MYO16: variants seen among roughly 807,000 people sequenced by gnomAD.
MYO16 encodes unconventional myosin-XVI.
Under a neutral mutation model 205.3 loss-of-function variants are expected in MYO16, and 94 were observed. That is an observed-to-expected ratio of 0.46 (90% CI 0.39 to 0.54). MYO16 has a LOEUF of 0.54. Ranked by LOEUF, MYO16 falls within the 20% of genes least tolerant of loss-of-function variation. The pLI is 0.00. For missense variants in MYO16, 2,315 were observed against 2,387.5 expected (o/e 0.97, Z 0.63); for synonymous variants, 988 against 954.0 (o/e 1.04, Z -0.66).
At chr13:108,608,480 C>T (rs555831997) in intron 1 of MYO16, among the ~76,000 whole-genome samples, 2 of 152,290 alleles carry the variant, frequency 1.3e-5, no homozygotes, top group African/African-American at 4.8e-5. Context: ...CTAAATTACA[C>T]CATTCCTGTT....
intron 34 of MYO16, among the ~76,000 whole-genome samples, chr13:109,191,854 T>C (rs1879930613): frequency 6.6e-6 from 1 of 152,246 alleles, no homozygotes; most frequent in Non-Finnish European, 1.5e-5. Context: ...TTGGAAACTT[T>C]AATCTGTTCA....
intron 32 of MYO16, among the ~76,000 whole-genome samples, chr13:109,151,786 A>C (rs1281048182): frequency 2.6e-5 from 4 of 152,246 alleles, no homozygotes; most frequent in Non-Finnish European, 5.9e-5. Context: ...AGACTTAGGC[A>C]AAGCAATGAG....
chr13:109,140,937 C>G lies in MYO16; in HGVS notation c.4725C>G (p.Pro1575=), dbSNP rs1270998831. The change falls in exon 32 of 35, where the codon CCC becomes CCG. Residue 1575 remains proline, a synonymous_variant. Transcript: ENST00000457511. The surrounding 1 kb of genome is among the most constrained non-coding windows in gnomAD (Gnocchi z 8.0). ...SKSQKGDGDR[P]ASPGLALFNG... is the part of the protein sequence containing the mutation. ...GCCAGAAGGGCGACGGCGACAGGCC[C>G]GCGTCCCCCGGCCTGGCGCTGTTCA... is the stretch of plus-strand genomic sequence containing the variant. 1 of 1,555,064 alleles carries G rather than the reference C, an allele frequency of 6.4e-7. No individual in the cohort carries two copies. The highest frequency in any genetic ancestry group is 8.7e-7 in the Non-Finnish European group (1 of 1,153,552).
At chr13:108,629,098 G>A (rs909370002), upstream of MYO16, 9 of 152,188 alleles carry the variant, frequency 5.9e-5, no homozygotes, top group African/African-American at 1.7e-4. Flanking sequence ...GCAGAGGTAG[G>A]AGAATCCTAA....
At chr13:109,121,036 G>A (rs1055739105) in intron 29 of MYO16, among the ~76,000 whole-genome samples, 1 of 152,042 alleles carries the variant, frequency 6.6e-6, no homozygotes, top group Non-Finnish European at 1.5e-5. Context: ...GTGCCAGAGC[G>A]AGATCCCACC....
At chr13:109,120,657 C>T (rs1875946690) in intron 29 of MYO16, among the ~76,000 whole-genome samples, 191 bp downstream of exon 29, 1 of 152,192 alleles carries the variant, frequency 6.6e-6, no homozygotes, top group South Asian at 2.1e-4. Context: ...TGCTATGCAA[C>T]CATCTCAAAA....
At chr13:108,986,487 T>TTAAAAAAAAAAA (rs1884638879) in intron 20 of MYO16, among the ~76,000 whole-genome samples, 2 of 151,834 alleles carry the variant, frequency 1.3e-5, no homozygotes, top group Non-Finnish European at 2.9e-5. Flanking sequence ...CTGTGTGTGG[T>TTAAAAAAAAAAA]GGCACATGCT....
chr13:108,830,614 G>C (rs1402922078), intron 9 of MYO16, among the ~76,000 whole-genome samples: 2 of 126,026 alleles, frequency 1.6e-5, no homozygotes, highest in Admixed American at 1.8e-4. Flanking sequence ...CTGTTGTGGG[G>C]TGGGGGGAGG....
At chr13:108,622,130 T>C (rs1017303700) in intron 1 of MYO16, among the ~76,000 whole-genome samples, 1 of 151,922 alleles carries the variant, frequency 6.6e-6, no homozygotes, top group Non-Finnish European at 1.5e-5. Context: ...TGTGAAGGGG[T>C]TTCTACTAGT....
rs1272662620 is a variant in MYO16 at position 108,823,263 on chromosome 13, T to A, written c.1082T>A (p.Val361Glu). 6.2e-7 allele frequency: 1 copy of A among 1,610,238 alleles called. No homozygotes were observed. The highest frequency in any genetic ancestry group is 1.7e-5 in the Admixed American group (1 of 59,492). Residue 361 changes from valine (V) to glutamate (E), a missense_variant, in exon 9 of 35, where the codon GTA becomes GAA. Physicochemically the swap from Val to Glu is moderately radical, Grantham distance 121. Coordinates refer to ENST00000457511, the MANE Select transcript of MYO16 (RefSeq NM_001198950.3). ...GAAGAGATCATTCACGATCTTCCCG[T>A]ACTGTCGAGTAAGCTGTAAGTGTCT... Reference protein sequence around the residue: ...PYEEIIHDLPVLSSKLSPLVL... With the variant: ...PYEEIIHDLPELSSKLSPLVL...
Position 108,812,325 on chromosome 13 carries a change from G to A in MYO16, c.867+5521G>A, listed in dbSNP as rs150180734. On this transcript the variant is annotated intron_variant, in intron 7 of 34. Transcript: ENST00000457511. ...TTTAGTCTGTAAGAAGTGAATGCAG[G>A]AACATTTGTTTGGCTTGTCAAAATA... Among the ~76,000 whole-genome samples the A allele has an allele frequency of 2.7e-3, 417 of 152,244 alleles. 2 individuals are homozygous for A. Among genetic ancestry groups the A allele is most frequent in the Admixed American group, 5.5e-3 (84 of 15,278 alleles).
chr13:109,126,396 T>C (rs760674382), intron 30 of MYO16, among the ~76,000 whole-genome samples: 68 of 152,210 alleles, frequency 4.5e-4, no homozygotes, highest in Non-Finnish European at 5.0e-4. Flanking sequence ...CAGAAAGATA[T>C]AATTATAAAA....
chr13:108,859,051 C>T (rs1447948947), intron 11 of MYO16, among the ~76,000 whole-genome samples: 1 of 152,132 alleles, frequency 6.6e-6, no homozygotes, highest in East Asian at 1.9e-4. Flanking sequence ...TTTGAAATCG[C>T]AAAATGCACT....
At chr13:108,768,789 T>C (rs1373024100) in intron 4 of MYO16, among the ~76,000 whole-genome samples, 1 of 152,150 alleles carries the variant, frequency 6.6e-6, no homozygotes. Flanking sequence ...CACTCAGCCA[T>C]TCCAAACAGC....
intron 34 of MYO16, among the ~76,000 whole-genome samples, chr13:109,199,042 TCTC>T: frequency 6.6e-6 from 1 of 151,558 alleles, no homozygotes; most frequent in Admixed American, 6.6e-5. Flanking sequence ...TGGAAACCCT[TCTC>T]CTCGCATGTT....
At chr13:108,574,222 C>T in the MYO16 span, among the ~76,000 whole-genome samples, 59 of 152,264 alleles carry the variant, frequency 3.9e-4, 1 homozygote, top group East Asian at 9.3e-3. Flanking sequence ...TTGCTAATGA[C>T]GTCCTTCATG....
At chr13:108,847,311 G>A (rs117426593) in intron 10 of MYO16, among the ~76,000 whole-genome samples, 2,679 of 152,276 alleles carry the variant, frequency 0.018, 36 homozygotes, top group Non-Finnish European at 0.026. Context: ...GAGAGGAAGT[G>A]GCAGCTACAC....
chr13:108,517,553 A>G, the MYO16 span, among the ~76,000 whole-genome samples: 1 of 152,236 alleles, frequency 6.6e-6, no homozygotes, highest in East Asian at 1.9e-4. Context: ...ATTCACCATA[A>G]CAAGAGCAGC....
intron 4 of MYO16, among the ~76,000 whole-genome samples, chr13:108,770,271 T>A (rs992404134): frequency 1.3e-5 from 2 of 152,220 alleles, no homozygotes; most frequent in African/African-American, 4.8e-5. Context: ...ATTAATAGTA[T>A]TTACCTTTGG....
Sources: allele counts gnomAD v4.1 joint callset (sites outside exome capture counted in the v4.1 genomes callset), GRCh38; gene constraint gnomAD v4.1.1; non-coding constraint Gnocchi (gnomAD v3.1); transcripts MANE v1.5; gene names NCBI Gene and HGNC (gene_info 2026-07-23, HGNC 2026-07-21).